SCAPER: variants seen among roughly 807,000 people sequenced by gnomAD.
The protein encoded by SCAPER is S phase cyclin A-associated protein in the endoplasmic reticulum.
SCAPER carries 98 observed loss-of-function variants against 182.2 expected under a neutral mutation model. The ratio of observed to expected loss-of-function variants is 0.54; its 90% CI spans 0.46 to 0.64. SCAPER has a LOEUF of 0.64. SCAPER is among the 30% of genes least tolerant of loss of function. The pLI is 0.00. For synonymous variants in SCAPER, 605 were observed against 564.6 expected (o/e 1.07, Z -1.01); for missense variants, 1,432 against 1,690.0 (o/e 0.85, Z 2.68).
At chr15:76,589,077 T>C (rs540957522) in intron 22 of SCAPER, among the ~76,000 whole-genome samples, 2 of 152,008 alleles carry the variant, frequency 1.3e-5, no homozygotes, top group African/African-American at 4.8e-5. Context: ...TGCACAGATA[T>C]CTCTAATGTG....
At chr15:76,576,142 A>G (rs760131900) in intron 22 of SCAPER, among the ~76,000 whole-genome samples, 4 of 152,186 alleles carry the variant, frequency 2.6e-5, no homozygotes, top group Non-Finnish European at 5.9e-5. Context: ...CAGGAGGTTC[A>G]CTTGAAGCCA....
rs1205094482 is a variant in SCAPER, at chr15:76,804,525, CT to C, written c.494+7del. The stretch of plus-strand genomic sequence containing the variant: ...TGATAGGAAGATTGAGACCAGAGAG[CT>C]CATTACCTGCTTTGAGCATCTGTCT... On this transcript the variant is annotated splice_region_variant and intron_variant, in intron 6 of 31. Coordinates refer to ENST00000563290, the MANE Select transcript of SCAPER (RefSeq NM_020843.4). The C allele has an allele frequency of 6.3e-7, 1 of 1,585,188 alleles. No individual in the cohort carries two copies. The highest frequency in any genetic ancestry group is 8.6e-7 in the Non-Finnish European group (1 of 1,159,300).
intron 8 of SCAPER, 54 bp downstream of exon 8, chr15:76,795,226 T>G (rs576756787): frequency 6.8e-7 from 1 of 1,464,702 alleles, no homozygotes; most frequent in Admixed American, 2.0e-5. Flanking sequence ...AAAATAAGTA[T>G]CTCTATATAT....
intron 29 of SCAPER, among the ~76,000 whole-genome samples, chr15:76,358,718 G>C (rs1283010860): frequency 6.6e-6 from 1 of 152,198 alleles, no homozygotes; most frequent in Non-Finnish European, 1.5e-5. Flanking sequence ...GCAGGTTAGG[G>C]CTTTAACATA....
intron 23 of SCAPER, among the ~76,000 whole-genome samples, chr15:76,540,500 A>G (rs1216763966): frequency 6.6e-6 from 1 of 152,128 alleles, no homozygotes; most frequent in Non-Finnish European, 1.5e-5. Context: ...TAGTGAAAAG[A>G]AAAAACTATA....
At position 76,635,898 on chromosome 15, in the gene SCAPER, T is replaced by C. The variant is rs78189467; in HGVS notation, c.2646-14069A>G. Among the ~76,000 whole-genome samples, 190 of 152,338 alleles carry C rather than the reference T, an allele frequency of 1.2e-3. 5 individuals are homozygous for C. In the East Asian group the frequency reaches 0.035, roughly 28 times the overall value. The stretch of plus-strand genomic sequence containing the variant: ...TCTATGTCAACTACCCCTGAATTCT[T>C]GGAATAAATCCCATTTGGTGATGAT... On this transcript the variant is annotated intron_variant, in intron 21 of 31. Coordinates refer to ENST00000563290, the MANE Select transcript of SCAPER (RefSeq NM_020843.4).
At chr15:76,539,820 C>T (rs193125147) in intron 23 of SCAPER, among the ~76,000 whole-genome samples, 35 of 152,304 alleles carry the variant, frequency 2.3e-4, no homozygotes, top group Non-Finnish European at 4.1e-4. Context: ...GCTGGGATTA[C>T]AGGCGTGAGC....
intron 8 of SCAPER, among the ~76,000 whole-genome samples, chr15:76,781,285 A>G (rs2064116395): frequency 6.6e-6 from 1 of 152,238 alleles, no homozygotes; most frequent in Non-Finnish European, 1.5e-5. Flanking sequence ...AAGAAAGGAT[A>G]TCAGTGATTG....
At chr15:76,646,581 A>G (rs1295955005) in intron 21 of SCAPER, among the ~76,000 whole-genome samples, 1 of 152,176 alleles carries the variant, frequency 6.6e-6, no homozygotes, top group Non-Finnish European at 1.5e-5. Flanking sequence ...ACACAGTCCA[A>G]TGATTAGAAC....
intron 17 of SCAPER, among the ~76,000 whole-genome samples, chr15:76,719,589 T>C (rs994518214): frequency 2.0e-5 from 3 of 152,180 alleles, no homozygotes; most frequent in Non-Finnish European, 4.4e-5. Flanking sequence ...TGTGAGAAGA[T>C]AGATATGTTA....
At chr15:76,511,843 A>ATGTGTGTGTGTGTGTG (rs1555461783) in intron 23 of SCAPER, among the ~76,000 whole-genome samples, 102 of 123,268 alleles carry the variant, frequency 8.3e-4, no homozygotes, top group Middle Eastern at 4.0e-3. Context: ...ATATATATAT[A>ATGTGTGTGTGTGTGTG]TGTGTGTGTG....
intron 23 of SCAPER, among the ~76,000 whole-genome samples, chr15:76,530,990 C>T (rs1368227539): frequency 6.6e-6 from 1 of 150,718 alleles, no homozygotes. Flanking sequence ...TATGAATATA[C>T]ACGTGTATAT....
chr15:76,876,519 T>G (rs141322582), intron 2 of SCAPER, among the ~76,000 whole-genome samples: 1 of 151,862 alleles, frequency 6.6e-6, no homozygotes, highest in Non-Finnish European at 1.5e-5. Context: ...AATTCAGATA[T>G]GAGAACACCA....
intron 17 of SCAPER, among the ~76,000 whole-genome samples, chr15:76,715,749 C>A (rs2059858801): frequency 6.6e-6 from 1 of 152,142 alleles, no homozygotes; most frequent in Non-Finnish European, 1.5e-5. Context: ...TCTCCAGAGA[C>A]CCCTTCTTCC....
chr15:76,485,884 T>A (rs532150799), intron 24 of SCAPER, among the ~76,000 whole-genome samples: 1 of 152,130 alleles, frequency 6.6e-6, no homozygotes, highest in East Asian at 1.9e-4. Context: ...AAAAATTAAC[T>A]CGAGATGGAT....
chr15:76,815,735 A>G (rs1236400627), intron 5 of SCAPER, among the ~76,000 whole-genome samples: 1 of 152,180 alleles, frequency 6.6e-6, no homozygotes, highest in African/African-American at 2.4e-5. Context: ...TGAAGGATCT[A>G]GGTTGAGTGC....
At chr15:76,814,309 T>C (rs528563460) in intron 5 of SCAPER, among the ~76,000 whole-genome samples, 1 of 152,126 alleles carries the variant, frequency 6.6e-6, no homozygotes, top group South Asian at 2.1e-4. Flanking sequence ...CAAAACAATG[T>C]GGAGAGAGAA....
intron 23 of SCAPER, among the ~76,000 whole-genome samples, chr15:76,517,131 T>G (rs1357927169): frequency 3.9e-5 from 6 of 152,140 alleles, no homozygotes. Flanking sequence ...TGCATGTAAC[T>G]GCAAGTATGC....
rs969479556 is a variant in SCAPER at position 76,440,938 on chromosome 15, T to G, written c.3079-6628A>C. Reference sequence around the variant, plus strand: ...TTTTTGTTTTTTTTTTTTTTTTTTTTGGGGACGGAGTCTGGCTCTGTCGCC... The same window carrying G: ...TTTTTGTTTTTTTTTTTTTTTTTTTGGGGGACGGAGTCTGGCTCTGTCGCC... On this transcript the variant is annotated intron_variant, in intron 25 of 31. Transcript: ENST00000563290. Among the ~76,000 whole-genome samples the G allele has an allele frequency of 1.1e-3, 137 of 126,320 alleles. 3 individuals carry two copies. In the East Asian group the frequency reaches 0.014, roughly 13 times the overall value. 82.9% of individuals were successfully genotyped at this position (126,320 alleles called of 152,430 possible). A position where few individuals can be genotyped will look rare whatever the true frequency, so the allele number is the denominator to read the frequency against.
Sources: allele counts gnomAD v4.1 joint callset (sites outside exome capture counted in the v4.1 genomes callset), GRCh38; gene constraint gnomAD v4.1.1; transcripts MANE v1.5; gene names NCBI Gene and HGNC (gene_info 2026-07-23, HGNC 2026-07-21).